EPHA6: variants seen among roughly 807,000 people sequenced by gnomAD.
EPHA6 encodes EPH receptor A6, also known as ephrin type-A receptor 6.
In EPHA6, 50 loss-of-function variants were observed where a neutral mutation model predicts 112.0. That is an observed-to-expected ratio of 0.45 (90% CI 0.36 to 0.56). The LOEUF is 0.56. Ranked by LOEUF, EPHA6 falls within the 20% of genes least tolerant of loss-of-function variation. The pLI is 0.00. For missense variants in EPHA6, 1,280 were observed against 1,417.4 expected (o/e 0.90, Z 1.56); for synonymous variants, 529 against 490.7 (o/e 1.08, Z -1.03).
chr3:97,708,180 G>T (rs954376036), intron 14 of EPHA6, among the ~76,000 whole-genome samples: 2 of 152,192 alleles, frequency 1.3e-5, no homozygotes, highest in East Asian at 3.9e-4. Context: ...TTGTTGAATG[G>T]TTTTGACCAA....
At chr3:97,560,254 A>C (rs1016362941) in intron 11 of EPHA6, among the ~76,000 whole-genome samples, 1 of 152,004 alleles carries the variant, frequency 6.6e-6, no homozygotes, top group Non-Finnish European at 1.5e-5. Flanking sequence ...ATAATCATGC[A>C]AAGTGCCCTG....
At chr3:97,744,106 C>A (rs1400701907) in intron 16 of EPHA6, among the ~76,000 whole-genome samples, 1 of 151,972 alleles carries the variant, frequency 6.6e-6, no homozygotes, top group Non-Finnish European at 1.5e-5. Context: ...CCAGCCCTTT[C>A]TATAATCTAA....
chr3:97,547,717 G>C (rs1036770329), intron 11 of EPHA6, among the ~76,000 whole-genome samples: 2 of 152,164 alleles, frequency 1.3e-5, no homozygotes, highest in Non-Finnish European at 2.9e-5. Flanking sequence ...CACCCAGTTC[G>C]AGCTTCCCAG....
At position 97,759,277 on chromosome 3, in the gene EPHA6, A is replaced by G. The variant is rs1452034655; in HGVS notation, c.*10576A>G. On this transcript the variant is annotated 3_prime_UTR_variant, in exon 18 of 18. Coordinates refer to ENST00000389672, the MANE Select transcript of EPHA6 (RefSeq NM_001080448.3). ...ATCAACTATGAAAATAGTGGAGTCA[A>G]CTATCAACTATGAAATAGTGGAGTC... Among the ~76,000 whole-genome samples, 3 of 152,110 alleles carry G rather than the reference A, an allele frequency of 2.0e-5. No individual in the cohort carries two copies. Among genetic ancestry groups the G allele is most frequent in the African/African-American group, 7.2e-5 (3 of 41,564 alleles).
intron 3 of EPHA6, among the ~76,000 whole-genome samples, chr3:97,031,336 A>G (rs546058010): frequency 5.9e-5 from 9 of 152,304 alleles, no homozygotes; most frequent in African/African-American, 1.9e-4. Context: ...GTAAAACCAT[A>G]AAAACCCTAG....
intron 2 of EPHA6, among the ~76,000 whole-genome samples, chr3:96,868,189 ACAGAGT>A (rs2036432785): frequency 7.0e-6 from 1 of 142,364 alleles, no homozygotes; most frequent in African/African-American, 2.9e-5. Context: ...AGAGAGAGAG[ACAGAGT>A]GTGTGTGTGT....
intron 3 of EPHA6, among the ~76,000 whole-genome samples, chr3:97,038,835 G>A (rs1338386976): frequency 2.0e-5 from 3 of 152,006 alleles, no homozygotes; most frequent in African/African-American, 7.2e-5. Context: ...CAGGCAGATT[G>A]GAGAGAAGGG....
intron 13 of EPHA6, among the ~76,000 whole-genome samples, chr3:97,636,321 T>A (rs1412055692): frequency 6.6e-6 from 1 of 152,094 alleles, no homozygotes; most frequent in Non-Finnish European, 1.5e-5. Flanking sequence ...AGATTCCTAA[T>A]AGAAGAGTGG....
intron 2 of EPHA6, among the ~76,000 whole-genome samples, chr3:96,883,627 A>G (rs975678462): frequency 6.6e-6 from 1 of 152,058 alleles, no homozygotes; most frequent in Non-Finnish European, 1.5e-5. Flanking sequence ...TCATTCTCCT[A>G]CATGTGGCTA....
intron 3 of EPHA6, among the ~76,000 whole-genome samples, chr3:97,096,727 TAAG>T (rs946824871): frequency 3.3e-5 from 5 of 151,918 alleles, no homozygotes; most frequent in African/African-American, 7.2e-5. Flanking sequence ...TTTTGAATAA[TAAG>T]GAGTGGTTTT....
At chr3:97,426,613 A>C (rs1231695845) in intron 6 of EPHA6, among the ~76,000 whole-genome samples, 4 of 152,204 alleles carry the variant, frequency 2.6e-5, no homozygotes, top group Non-Finnish European at 5.9e-5. Flanking sequence ...AAAACCTAGG[A>C]AATACCACTC....
At chr3:97,345,272 C>A (rs1208819561) in intron 5 of EPHA6, among the ~76,000 whole-genome samples, 2 of 152,018 alleles carry the variant, frequency 1.3e-5, no homozygotes, top group African/African-American at 4.8e-5. Flanking sequence ...GAGGTCAAAA[C>A]AAACTGCTTA....
chr3:97,254,378 C>T (rs904815246), intron 5 of EPHA6, among the ~76,000 whole-genome samples: 3 of 152,092 alleles, frequency 2.0e-5, no homozygotes, highest in African/African-American at 7.2e-5. Context: ...TTAATAGAGA[C>T]GGGGTTTCAC....
intron 3 of EPHA6, among the ~76,000 whole-genome samples, chr3:97,007,202 G>A (rs913660008): frequency 2.6e-5 from 4 of 152,114 alleles, no homozygotes; most frequent in African/African-American, 9.7e-5. Flanking sequence ...TGAGAGTGGG[G>A]TATTAAAGTT....
At chr3:97,646,315 G>C in intron 14 of EPHA6, 1 of 1,501,866 alleles carries the variant, frequency 6.7e-7, no homozygotes, top group Non-Finnish European at 8.8e-7. Context: ...CCAACAGTGA[G>C]TCTTTCAGAG....
chr3:96,965,809 G>A (rs1313185024), intron 2 of EPHA6, among the ~76,000 whole-genome samples: 1 of 151,952 alleles, frequency 6.6e-6, no homozygotes, highest in Non-Finnish European at 1.5e-5. Flanking sequence ...ATTCTTTGAG[G>A]ATCAAACTTC....
At chr3:96,895,539 C>T (rs2038221065) in intron 2 of EPHA6, among the ~76,000 whole-genome samples, 1 of 152,098 alleles carries the variant, frequency 6.6e-6, no homozygotes, top group Non-Finnish European at 1.5e-5. Context: ...ATGTCTTAGG[C>T]CTTCACATTC....
intron 10 of EPHA6, among the ~76,000 whole-genome samples, chr3:97,492,413 G>A (rs1234271907): frequency 6.6e-6 from 1 of 151,210 alleles, no homozygotes; most frequent in Non-Finnish European, 1.5e-5. Context: ...ATGGTGGTGG[G>A]CACCTGTAAT....
rs145342776 is a variant in EPHA6, at chr3:97,481,178, G to A, written c.2074+1814G>A. The A allele has an allele frequency of 3.7e-4, 364 of 986,154 alleles. No individual in the cohort carries two copies. The East Asian group carries it at 3.9e-3, about 10-fold the overall frequency. The allele number at this position is 986,154 out of a possible 1,614,324, so 61.1% of individuals were successfully genotyped here. On this transcript the variant is annotated intron_variant, in intron 9 of 17. Coordinates refer to ENST00000389672, the MANE Select transcript of EPHA6 (RefSeq NM_001080448.3). ...GAGATCACGCCACTGCACTCCAGCC[G>A]AACAATTTCCTCATGAAGTACTGGA...
Sources: allele counts gnomAD v4.1 joint callset (sites outside exome capture counted in the v4.1 genomes callset), GRCh38; gene constraint gnomAD v4.1.1; transcripts MANE v1.5; gene names NCBI Gene and HGNC (gene_info 2026-07-23, HGNC 2026-07-21).